CHI3L1: variants seen among roughly 807,000 people sequenced by gnomAD.
The protein encoded by CHI3L1 is chitinase 3 like 1.
Under a neutral mutation model 40.7 loss-of-function variants are expected in CHI3L1, and 30 were observed. The observed-to-expected ratio is 0.74, with a 90% CI of 0.55 to 1.00. The LOEUF is 1.00. CHI3L1 is among the 50% of genes least tolerant of loss of function. CHI3L1 has a pLI of 0.00. For missense variants in CHI3L1, 493 were observed against 492.2 expected, an observed-to-expected ratio of 1.00 and a Z score of -0.01; for synonymous variants, 210 against 192.1, an observed-to-expected ratio of 1.09 and a Z score of -0.77.
At chr1:203,183,205 A>C (rs148235720) in intron 5 of CHI3L1, among the ~76,000 whole-genome samples, 1 of 152,098 alleles carries the variant, frequency 6.6e-6, no homozygotes, top group East Asian at 1.9e-4. Context: ...TGAAATCCCA[A>C]AGTTAAAGTG....
intron 6 of CHI3L1, 40 bp downstream of exon 6, chr1:203,182,691 G>A: frequency 6.2e-7 from 1 of 1,612,620 alleles, no homozygotes; most frequent in Non-Finnish European, 8.5e-7. Context: ...AGGAGTGTTG[G>A]CAGAGGTTCT....
In CHI3L1 at chr1:203,186,431, C is replaced by T; in HGVS notation, c.26-86G>A. 3.7e-6 allele frequency: 5 copies of T among 1,340,738 alleles called. No individual in the cohort carries two copies. In the South Asian group the frequency reaches 6.2e-5, roughly 17 times the overall value. The allele number at this position is 1,340,738 out of a possible 1,614,324, so 83.1% of individuals were successfully genotyped here. A position where few individuals can be genotyped will look rare whatever the true frequency, so the allele number is the denominator to read the frequency against. ...TCCCCCAAGCAACTGAGACCCACCT[C>T]CCCCACCCCCACCTCCTGGTTGCAG... On this transcript the variant is annotated intron_variant, in intron 1 of 9. Coordinates refer to ENST00000255409, the MANE Select transcript of CHI3L1 (RefSeq NM_001276.4).
In CHI3L1 at chr1:203,186,520, AGCAG is replaced by A. The variant is rs1217092793; in HGVS notation, c.25+75_25+78del. On this transcript the variant is annotated intron_variant, in intron 1 of 9. Transcript: ENST00000255409. ...TGCCCACTCCCTTAGTCCCTCACCC[AGCAG>A]GCAGATGGCTCTGCGGGCTGTCTGG... 5.2e-6 allele frequency: 8 copies of A among 1,539,308 alleles called. No homozygotes were observed. In the East Asian group the frequency reaches 2.0e-4, roughly 39 times the overall value.
intron 6 of CHI3L1, chr1:203,182,190 G>A (rs987304376): frequency 4.6e-5 from 7 of 153,630 alleles, no homozygotes; most frequent in African/African-American, 1.7e-4. Flanking sequence ...TGGGTTTCCC[G>A]AGACCCATGG....
At chr1:203,185,565 G>A (rs1041836312) in intron 2 of CHI3L1, among the ~76,000 whole-genome samples, 180 bp from the exon 3 acceptor site, 2 of 152,238 alleles carry the variant, frequency 1.3e-5, no homozygotes, top group Non-Finnish European at 2.9e-5. Flanking sequence ...CCTCTGGGGA[G>A]TTCCCTGACT....
At chr1:203,181,127 C>G in intron 7 of CHI3L1, 35 bp downstream of exon 7, 1 of 1,610,272 alleles carries the variant, frequency 6.2e-7, no homozygotes, top group Non-Finnish European at 8.5e-7. Flanking sequence ...GGTCTTGCGG[C>G]CCCCTCCTGG....
In CHI3L1 at chr1:203,183,735, G is replaced by A. The variant is rs372451627; in HGVS notation, c.371C>T (p.Pro124Leu). 20 of 1,614,078 alleles carry A rather than the reference G, an allele frequency of 1.2e-5. 1 individual carries two copies. Among genetic ancestry groups the A allele is most frequent in the South Asian group, 9.9e-5 (9 of 91,086 alleles). The change falls in exon 5 of 10, where the codon CCG becomes CTG. Residue 124 changes from proline (P) to leucine (L), a missense_variant. Coordinates refer to ENST00000255409, the MANE Select transcript of CHI3L1 (RefSeq NM_001276.4). ...AAAGCCATGGGTGCGCAGAAATGGC[G>A]GTACTGACTTGATGAAAGTCCGGCG... ...QSRRTFIKSV[P>L]PFLRTHGFDG...
intron 2 of CHI3L1, among the ~76,000 whole-genome samples, chr1:203,185,633 T>C (rs1014469854): frequency 6.6e-6 from 1 of 152,170 alleles, no homozygotes; most frequent in African/African-American, 2.4e-5. Flanking sequence ...AGGGGATGAA[T>C]ACGCTACAGG....
chr1:203,185,148 G>T (rs202158115), intron 3 of CHI3L1, 36 bp downstream of exon 3: 3 of 1,597,818 alleles, frequency 1.9e-6, no homozygotes, highest in Non-Finnish European at 2.6e-6. Flanking sequence ...GACCAGCCCA[G>T]CTGGTCCCTC....
intron 3 of CHI3L1, 103 bp from the exon 4 acceptor site, chr1:203,184,735 T>A: frequency 1.0e-6 from 1 of 994,006 alleles, no homozygotes. Context: ...CTGCTTTGGG[T>A]GAGAGGCTGG....
intron 3 of CHI3L1, 78 bp from the exon 4 acceptor site, chr1:203,184,710 G>T: frequency 7.9e-7 from 1 of 1,260,158 alleles, no homozygotes; most frequent in Non-Finnish European, 1.2e-6. Flanking sequence ...TGTCTGAGAG[G>T]CCATAGAAGG....
chr1:203,186,209 A>G (rs1238295791), intron 2 of CHI3L1, 107 bp downstream of exon 2: 8 of 1,240,072 alleles, frequency 6.5e-6, no homozygotes, highest in Non-Finnish European at 9.3e-6. Context: ...TTGGAAGCAC[A>G]GAAGAACCTG....
rs372434583 is a variant in CHI3L1, at chr1:203,181,255, G to A, written c.618C>T (p.Tyr206=). 96 of 1,613,886 alleles carry A rather than the reference G, an allele frequency of 5.9e-5. No homozygotes were observed. The highest frequency in any genetic ancestry group is 7.3e-5 in the Non-Finnish European group (86 of 1,179,932). The part of the protein sequence containing the change: ...QHLDFISIMT[Y]DFHGAWRGTT... ...TCCCACGCCAGGCTCCATGAAAATC[G>A]TAGGTCATGATGCTAATGAAATCCA... The change falls in exon 7 of 10, where the codon TAC becomes TAT. Residue 206 remains tyrosine (Y), a synonymous_variant. Transcript: ENST00000255409.
At position 203,180,525 on chromosome 1, in the gene CHI3L1, C is replaced by G. The variant is rs1171734053; in HGVS notation, c.839G>C (p.Gly280Ala). The change falls in exon 8 of 10, where the codon GGA (glycine) becomes GCA (alanine). Residue 280 changes from glycine (G) to alanine (A), a missense_variant. Transcript: ENST00000255409. ...GGTGAACCGGCCTGGAATTCCCGGT[C>G]CTGAGATTGGGGCTCCAACACCAGT... is the stretch of plus-strand genomic sequence containing the variant. ...SETGVGAPIS[G>A]PGIPGRFTKE... 4 of 1,610,730 alleles carry G rather than the reference C, an allele frequency of 2.5e-6. No homozygotes were observed. Among genetic ancestry groups the G allele is most frequent in the Non-Finnish European group, 2.5e-6 (3 of 1,178,820 alleles).
intron 2 of CHI3L1, among the ~76,000 whole-genome samples, 174 bp from the exon 3 acceptor site, chr1:203,185,559 T>G (rs904631558): frequency 6.6e-6 from 1 of 152,194 alleles, no homozygotes; most frequent in African/African-American, 2.4e-5. Flanking sequence ...CCCCTGCCTC[T>G]GGGGAGTTCC....
chr1:203,183,509 C>T, intron 5 of CHI3L1, 132 bp downstream of exon 5: 1 of 912,532 alleles, frequency 1.1e-6, no homozygotes, highest in South Asian at 1.5e-5. Context: ...GCACAGGGTC[C>T]CAGGACACTG....
rs1334819581 is a variant in CHI3L1, at chr1:203,183,738, A to G, written c.368T>C (p.Val123Ala). ...GCCATGGGTGCGCAGAAATGGCGGT[A>G]CTGACTTGATGAAAGTCCGGCGACT... Reference protein sequence around the residue: ...TQSRRTFIKSVPPFLRTHGFD... With the variant: ...TQSRRTFIKSAPPFLRTHGFD... Residue 123 changes from valine (V) to alanine (A), a missense_variant, in exon 5 of 10, where the codon GTA (valine) becomes GCA (alanine). Physicochemically the swap from Val to Ala is moderately conservative, Grantham distance 64. Transcript: ENST00000255409. 1.3e-5 allele frequency: 21 copies of G among 1,614,110 alleles called. No homozygotes were observed. The highest frequency in any genetic ancestry group is 1.7e-5 in the Non-Finnish European group (20 of 1,180,050).
Position 203,180,820 on chromosome 1 carries a change from A to G in CHI3L1, c.712-168T>C, listed in dbSNP as rs76564561. ...ACTTTAAAGTGAATTTTACAGTTTC[A>G]TTCTTGAAAAAAATCCTTTGAGGCA... On this transcript the variant is annotated intron_variant, in intron 7 of 9. Coordinates refer to ENST00000255409, the MANE Select transcript of CHI3L1 (RefSeq NM_001276.4). Among the ~76,000 whole-genome samples, 607 of 152,232 alleles carry G rather than the reference A, an allele frequency of 4.0e-3. 3 individuals carry two copies. Among genetic ancestry groups the G allele is most frequent in the African/African-American group, 0.014 (588 of 41,516 alleles).
rs1193194542 is a variant in CHI3L1, at chr1:203,186,541, G to T, written c.25+58C>A. 2.5e-6 allele frequency: 4 copies of T among 1,608,220 alleles called. No homozygotes were observed. The East Asian group carries it at 8.9e-5, about 36-fold the overall frequency. ...ACCCAGCAGGCAGATGGCTCTGCGGGCTGTCTGGGCCTGAAAACCCACAAC... is the reference window on the plus strand; with the variant it reads ...ACCCAGCAGGCAGATGGCTCTGCGGTCTGTCTGGGCCTGAAAACCCACAAC... On this transcript the variant is annotated intron_variant, in intron 1 of 9. Transcript: ENST00000255409.
Sources: allele counts gnomAD v4.1 joint callset (sites outside exome capture counted in the v4.1 genomes callset), GRCh38; gene constraint gnomAD v4.1.1; transcripts MANE v1.5; gene names NCBI Gene and HGNC (gene_info 2026-07-23, HGNC 2026-07-21).